SYN3: variants seen among roughly 807,000 people sequenced by gnomAD.
SYN3 encodes synapsin-3.
A neutral mutation model predicts 65.8 loss-of-function variants in SYN3; 35 were observed. That is an observed-to-expected ratio of 0.53 (90% CI 0.41 to 0.70). The LOEUF is 0.70. Ranked by LOEUF, SYN3 falls within the 30% of genes least tolerant of loss-of-function variation. SYN3 has a pLI of 0.00. For synonymous variants in SYN3, 270 were observed against 292.9 expected, an observed-to-expected ratio of 0.92 and a Z score of 0.80; for missense variants, 680 against 749.0, an observed-to-expected ratio of 0.91 and a Z score of 1.08.
At chr22:32,645,597 C>G (rs1001001531) in intron 6 of SYN3, among the ~76,000 whole-genome samples, 2 of 152,196 alleles carry the variant, frequency 1.3e-5, no homozygotes, top group Non-Finnish European at 2.9e-5. Context: ...ATTTCTGAAA[C>G]GTTAATTGGT....
intron 4 of SYN3, among the ~76,000 whole-genome samples, chr22:32,920,677 C>G (rs561984052): frequency 2.0e-4 from 31 of 152,180 alleles, no homozygotes; most frequent in African/African-American, 7.2e-4. Flanking sequence ...AAGAGTTATT[C>G]TCTTTTTGTG....
intron 6 of SYN3, among the ~76,000 whole-genome samples, chr22:32,670,883 G>A (rs572973015): frequency 6.6e-6 from 1 of 152,234 alleles, no homozygotes; most frequent in Non-Finnish European, 1.5e-5. Context: ...GGCATGGGGG[G>A]ATTCCCCCCT....
At chr22:32,546,334 G>C (rs963285316) in intron 7 of SYN3, among the ~76,000 whole-genome samples, 2 of 152,156 alleles carry the variant, frequency 1.3e-5, no homozygotes, top group Non-Finnish European at 2.9e-5. Context: ...ATTTGGGAGG[G>C]GGGCAAGAAA....
chr22:32,786,738 GT>G (rs987444314), intron 6 of SYN3, among the ~76,000 whole-genome samples: 32 of 152,266 alleles, frequency 2.1e-4, no homozygotes, highest in African/African-American at 7.7e-4. Flanking sequence ...TGGGTAAAAG[GT>G]ATCTGGTAAT....
intron 1 of SYN3, among the ~76,000 whole-genome samples, chr22:33,036,339 C>A (rs1199133036): frequency 6.6e-6 from 1 of 152,084 alleles, no homozygotes; most frequent in Non-Finnish European, 1.5e-5. Context: ...CAAAATATAC[C>A]ACTTTGGCAT....
chr22:32,886,469 T>C (rs151108206), intron 4 of SYN3, among the ~76,000 whole-genome samples: 1 of 152,306 alleles, frequency 6.6e-6, no homozygotes, highest in Non-Finnish European at 1.5e-5. Flanking sequence ...AGCTTCAGTT[T>C]CCTCATCGGT....
rs560656737 is a variant in SYN3, at chr22:32,641,136, T to A, written c.712-44400A>T. 5.3e-5 allele frequency among the ~76,000 whole-genome samples: 8 copies of A among 152,266 alleles called. No individual in the cohort carries two copies. In the East Asian group the frequency reaches 1.5e-3, roughly 29 times the overall value. ...CATATATGAGAAACACCTCAATACATTGAGCACGAACGTCAACAATGGTGA... is the reference window on the plus strand; with the variant it reads ...CATATATGAGAAACACCTCAATACAATGAGCACGAACGTCAACAATGGTGA... On this transcript the variant is annotated intron_variant, in intron 6 of 13. Transcript: ENST00000358763.
At chr22:32,696,765 T>C (rs1399287896) in intron 6 of SYN3, among the ~76,000 whole-genome samples, 1 of 152,154 alleles carries the variant, frequency 6.6e-6, no homozygotes, top group African/African-American at 2.4e-5. Context: ...ATCCCCTCTC[T>C]CTCCTCTCTG....
At chr22:32,693,381 G>T (rs868672421) in intron 6 of SYN3, among the ~76,000 whole-genome samples, 3 of 152,190 alleles carry the variant, frequency 2.0e-5, no homozygotes, top group Middle Eastern at 6.8e-3. Flanking sequence ...AGCTGGACAG[G>T]ACGAGATTTC....
In SYN3 at chr22:32,576,268, T is replaced by A. The variant is rs569011486; in HGVS notation, c.774+20406A>T. Reference sequence around the variant, plus strand: ...AATAGTATGGCCATTCTCTGAGCATTCACCATGTGCCAAGCTCTGTGCCGA... The same window carrying A: ...AATAGTATGGCCATTCTCTGAGCATACACCATGTGCCAAGCTCTGTGCCGA... On this transcript the variant is annotated intron_variant, in intron 7 of 13. Transcript: ENST00000358763. Among the ~76,000 whole-genome samples, 6 of 152,120 alleles carry A rather than the reference T, an allele frequency of 3.9e-5. No individual in the cohort carries two copies. In the East Asian group the frequency reaches 1.2e-3, roughly 29 times the overall value.
intron 6 of SYN3, among the ~76,000 whole-genome samples, chr22:32,625,196 C>A (rs2059648559): frequency 6.6e-6 from 1 of 152,198 alleles, no homozygotes; most frequent in African/African-American, 2.4e-5. Context: ...AGCCCACAGG[C>A]TGAATGTGGA....
At chr22:33,003,833 C>T (rs370801700) in intron 2 of SYN3, among the ~76,000 whole-genome samples, 1 of 152,214 alleles carries the variant, frequency 6.6e-6, no homozygotes, top group Non-Finnish European at 1.5e-5. Flanking sequence ...GGCAGCCCCT[C>T]CAATCACATG....
chr22:33,015,268 C>T, intron 1 of SYN3: 1 of 473,552 alleles, frequency 2.1e-6, no homozygotes, highest in South Asian at 2.4e-5. Flanking sequence ...CGAGACTATC[C>T]AAAAGGAGCA....
At chr22:32,640,131 T>A (rs896678365) in intron 6 of SYN3, among the ~76,000 whole-genome samples, 2 of 152,194 alleles carry the variant, frequency 1.3e-5, no homozygotes, top group African/African-American at 4.8e-5. Flanking sequence ...GGTGAAGGAC[T>A]ATACTGTCTT....
chr22:32,719,453 T>TCC (rs1413221306), intron 6 of SYN3, among the ~76,000 whole-genome samples: 2 of 152,228 alleles, frequency 1.3e-5, no homozygotes, highest in Non-Finnish European at 2.9e-5. Context: ...GAATATAAGT[T>TCC]CCATGAAGAT....
chr22:33,040,649 G>A (rs2053947096), intron 1 of SYN3, among the ~76,000 whole-genome samples: 1 of 152,128 alleles, frequency 6.6e-6, no homozygotes, highest in South Asian at 2.1e-4. Flanking sequence ...TAATCCCCAT[G>A]TGTCAAGGGA....
chr22:32,514,049 A>C (rs2057730283), intron 13 of SYN3, among the ~76,000 whole-genome samples: 1 of 152,188 alleles, frequency 6.6e-6, no homozygotes, highest in Admixed American at 6.5e-5. Flanking sequence ...AGGGGTTCAC[A>C]GAGTCAAGTA....
chr22:32,590,683 A>G (rs1168292405), intron 7 of SYN3, among the ~76,000 whole-genome samples: 6 of 152,328 alleles, frequency 3.9e-5, no homozygotes. Flanking sequence ...AACACTTAGC[A>G]TTATTAATCT....
intron 6 of SYN3, among the ~76,000 whole-genome samples, chr22:32,744,110 T>C (rs1276698524): frequency 6.6e-6 from 1 of 152,190 alleles, no homozygotes; most frequent in East Asian, 1.9e-4. Context: ...AGAGAGTGGC[T>C]TGTACATCAG....
Sources: gnomAD v4.1 joint callset for allele counts (sites outside exome capture counted in the v4.1 genomes callset) on GRCh38, gnomAD v4.1.1 for gene constraint, MANE v1.5 for transcripts, NCBI Gene and HGNC (gene_info 2026-07-23, HGNC 2026-07-21) for gene names.